The following KCNH1 variants were observed in gnomAD, a reference collection of about 807,000 sequenced individuals.
KCNH1 encodes voltage-gated delayed rectifier potassium channel KCNH1.
Under a neutral mutation model 69.2 loss-of-function variants are expected in KCNH1, and 27 were observed. The observed-to-expected ratio is 0.39, with a 90% CI of 0.29 to 0.54. The LOEUF is 0.54. Among genes scored for constraint, KCNH1 ranks in the 20% least tolerant of loss-of-function variants. The pLI is 0.68. For synonymous variants in KCNH1, 456 were observed against 487.7 expected, an observed-to-expected ratio of 0.93 and a Z score of 0.86; for missense variants, 798 against 1,261.6, an observed-to-expected ratio of 0.63 and a Z score of 5.57.
chr1:210,758,896 G>A lies in KCNH1; in HGVS notation c.2112+16452C>T, dbSNP rs117920561. Among the ~76,000 whole-genome samples the A allele has an allele frequency of 4.4e-3, 663 of 152,142 alleles. 37 individuals carry two copies. In the East Asian group the frequency reaches 0.096, roughly 22 times the overall value. On this transcript the variant is annotated intron_variant, in intron 10 of 10. Transcript: ENST00000271751. ...GCCTCTGTCCCTGCCGCTAACTGCCGGCTCTTACTCTTAAGCCACTTACTG... is the reference window on the plus strand; with the variant it reads ...GCCTCTGTCCCTGCCGCTAACTGCCAGCTCTTACTCTTAAGCCACTTACTG...
chr1:210,683,003 A>T lies in KCNH1; in HGVS notation c.*278T>A. The T allele has an allele frequency of 2.5e-6, 1 of 394,344 alleles. No individual in the cohort carries two copies. Among genetic ancestry groups the T allele is most frequent in the South Asian group, 3.5e-5 (1 of 28,938 alleles). The allele number at this position is 394,344 out of a possible 1,614,324, so 24.4% of individuals were successfully genotyped here. A position where few individuals can be genotyped will look rare whatever the true frequency, so the allele number is the denominator to read the frequency against. ...ACAAATATCATGGTAGTAAAAAATT[A>T]AAAATGAAGGAAAATACCCTTTAGA... On this transcript the variant is annotated 3_prime_UTR_variant, in exon 11 of 11. Transcript: ENST00000271751. This position sits in a 1 kb window ranked among gnomAD's most constrained non-coding sequence, Gnocchi z 5.7.
intron 7 of KCNH1, among the ~76,000 whole-genome samples, chr1:210,907,910 T>C (rs1223928797): frequency 6.6e-6 from 1 of 152,254 alleles, no homozygotes; most frequent in African/African-American, 2.4e-5. Flanking sequence ...ATGATCTTTC[T>C]GGTCAGCAAC....
At chr1:211,069,582 T>A (rs4951716) in intron 5 of KCNH1, among the ~76,000 whole-genome samples, 114,325 of 152,032 alleles carry the variant, frequency 0.75, 43,266 homozygotes, top group South Asian at 0.8. Context: ...CTGTAATTGA[T>A]ATAAAGAATG....
In KCNH1 at chr1:210,859,985, T is replaced by G; in HGVS notation, c.1463-55819A>C. The G allele has an allele frequency of 1.9e-6, 3 of 1,590,182 alleles. No individual in the cohort carries two copies. In the South Asian group the frequency reaches 3.3e-5, roughly 18 times the overall value. On this transcript the variant is annotated intron_variant, in intron 7 of 10. Coordinates refer to ENST00000271751, the MANE Select transcript of KCNH1 (RefSeq NM_172362.3). Reference sequence around the variant, plus strand: ...TCTTAACCTCTCTTGGCAGTCTTTCTAAGGCTGCTTCCACGAATAAGGGAA... The same window carrying G: ...TCTTAACCTCTCTTGGCAGTCTTTCGAAGGCTGCTTCCACGAATAAGGGAA...
Position 211,046,871 on chromosome 1 carries a change from C to T in KCNH1, c.559-27615G>A, listed in dbSNP as rs377367949. Among the ~76,000 whole-genome samples, 8 of 152,134 alleles carry T rather than the reference C, an allele frequency of 5.3e-5. No homozygotes were observed. In the East Asian group the frequency reaches 7.7e-4, roughly 15 times the overall value. ...GTGGTGAAGATGAAATTCAAACCCA[C>T]ATCTAATTCAAAAACCCATAGTCTA... is the stretch of plus-strand genomic sequence containing the variant. On this transcript the variant is annotated intron_variant, in intron 5 of 10. Transcript: ENST00000271751.
intron 7 of KCNH1, among the ~76,000 whole-genome samples, chr1:210,898,159 T>C (rs913834082): frequency 1.3e-5 from 2 of 152,166 alleles, no homozygotes; most frequent in Admixed American, 1.3e-4. Context: ...TAAACAGTAG[T>C]GTTTGTGGCA....
chr1:210,831,952 A>G (rs1049739800), intron 7 of KCNH1, among the ~76,000 whole-genome samples: 31 of 150,728 alleles, frequency 2.1e-4, no homozygotes, highest in Admixed American at 6.7e-4. Flanking sequence ...ATGTGCTGGT[A>G]CAACTGAGGA....
At chr1:211,009,584 A>G (rs887347973) in intron 6 of KCNH1, among the ~76,000 whole-genome samples, 1 of 149,502 alleles carries the variant, frequency 6.7e-6, no homozygotes, top group African/African-American at 2.5e-5. Flanking sequence ...TTATGGGAGT[A>G]TATGTAAGTT....
At chr1:210,948,777 G>A (rs1193710808) in intron 6 of KCNH1, among the ~76,000 whole-genome samples, 1 of 150,388 alleles carries the variant, frequency 6.6e-6, no homozygotes, top group African/African-American at 2.5e-5. Flanking sequence ...GCAGTGAGCC[G>A]AGATCACGCC....
At chr1:210,978,729 G>C (rs1435187197) in intron 6 of KCNH1, among the ~76,000 whole-genome samples, 1 of 152,138 alleles carries the variant, frequency 6.6e-6, no homozygotes, top group African/African-American at 2.4e-5. Flanking sequence ...ACTCTTAAGA[G>C]TCACCTTTGT....
intron 10 of KCNH1, among the ~76,000 whole-genome samples, chr1:210,765,439 G>A (rs1428178581): frequency 6.6e-6 from 1 of 152,176 alleles, no homozygotes; most frequent in Non-Finnish European, 1.5e-5. Flanking sequence ...TGGGCTTGGT[G>A]ATTGCCAGGC....
chr1:211,057,715 G>C (rs1383175262), intron 5 of KCNH1, among the ~76,000 whole-genome samples: 1 of 151,540 alleles, frequency 6.6e-6, no homozygotes, highest in African/African-American at 2.4e-5. Context: ...GAGAGAGAGA[G>C]AGACAGACAC....
intron 7 of KCNH1, chr1:210,859,302 T>C: frequency 6.5e-7 from 1 of 1,545,882 alleles, no homozygotes; most frequent in Non-Finnish European, 8.9e-7. Context: ...TTGGCCAGAG[T>C]TACTGTGTCT....
Position 210,893,763 on chromosome 1 carries a change from G to A in KCNH1, c.1462+25877C>T, listed in dbSNP as rs1237772668. Among the ~76,000 whole-genome samples, 3 of 151,830 alleles carry A rather than the reference G, an allele frequency of 2.0e-5. No individual in the cohort carries two copies. In the East Asian group the frequency reaches 5.8e-4, roughly 29 times the overall value. On this transcript the variant is annotated intron_variant, in intron 7 of 10. Transcript: ENST00000271751. The stretch of plus-strand genomic sequence containing the variant: ...CTGTAAAGTTGTGTCATAGCTCTTC[G>A]AAGCCTCTTTCATTTTTCTTAAATT...
chr1:210,766,253 G>GGGTA lies in KCNH1; in HGVS notation c.2112+9091_2112+9094dup, dbSNP rs528836815. 1.6e-4 allele frequency among the ~76,000 whole-genome samples: 24 copies of GGGTA among 151,720 alleles called. No homozygotes were observed. In the South Asian group the frequency reaches 4.6e-3, roughly 29 times the overall value. On this transcript the variant is annotated intron_variant, in intron 10 of 10. Coordinates refer to ENST00000271751, the MANE Select transcript of KCNH1 (RefSeq NM_172362.3). ...CAAGTCAGAGAAGTGTGGCCAGGTA[G>GGGTA]GGTAGTTCCCGCCTGTAATCCCAGC...
chr1:211,035,798 G>A (rs985820163), intron 5 of KCNH1, among the ~76,000 whole-genome samples: 2 of 152,164 alleles, frequency 1.3e-5, no homozygotes, highest in South Asian at 2.1e-4. Context: ...GACCAAAAGA[G>A]TATTTCACAG....
chr1:210,984,921 T>C (rs1233062196), intron 6 of KCNH1, among the ~76,000 whole-genome samples: 2 of 152,206 alleles, frequency 1.3e-5, no homozygotes, highest in African/African-American at 4.8e-5. Context: ...TCGTGGACTT[T>C]TTTTGGTTGG....
At chr1:210,804,987 C>T (rs1302278567) in intron 7 of KCNH1, among the ~76,000 whole-genome samples, 1 of 152,190 alleles carries the variant, frequency 6.6e-6, no homozygotes, top group African/African-American at 2.4e-5. Context: ...ACCCAACCTT[C>T]TACCTCTAAC....
chr1:211,041,007 C>T (rs1006203482), intron 5 of KCNH1, among the ~76,000 whole-genome samples: 1 of 152,166 alleles, frequency 6.6e-6, no homozygotes, highest in African/African-American at 2.4e-5. Context: ...TCCCATCAAC[C>T]TCTCTTTGAA....
Sources: gnomAD v4.1 joint callset for allele counts (sites outside exome capture counted in the v4.1 genomes callset) on GRCh38, gnomAD v4.1.1 for gene constraint, Gnocchi (gnomAD v3.1) non-coding constraint, MANE v1.5 for transcripts, NCBI Gene and HGNC (gene_info 2026-07-23, HGNC 2026-07-21) for gene names.